DMD: variants seen among roughly 807,000 people sequenced by gnomAD.
DMD encodes mutant dystrophin.
In DMD, 63 loss-of-function variants were observed where a neutral mutation model predicts 330.1. That is an observed-to-expected ratio of 0.19 (90% CI 0.16 to 0.24). The LOEUF (loss-of-function observed/expected upper bound fraction) is 0.24, where lower values mean the gene tolerates loss of function less well. DMD is among the 10% of genes least tolerant of loss of function. The probability of loss-of-function intolerance (pLI) is 1.00; values close to 1 mark genes in which losing one functional copy is unlikely to be tolerated. For synonymous variants in DMD, 1,223 were observed against 959.8 expected, an observed-to-expected ratio of 1.27 and a Z score of -5.07; for missense variants, 3,344 against 2,684.1, an observed-to-expected ratio of 1.25 and a Z score of -5.43.
At chrX:32,725,937 C>T (rs1412897605) in intron 7 of DMD, among the ~76,000 whole-genome samples, 2 of 110,912 alleles carry the variant, frequency 1.8e-5, no homozygotes, top group Non-Finnish European at 3.8e-5. Context: ...ATCTCATGTA[C>T]TGTCTCTCTC....
intron 2 of DMD, among the ~76,000 whole-genome samples, chrX:32,893,337 T>C (rs916136886): frequency 5.3e-5 from 6 of 112,157 alleles, no homozygotes; most frequent in African/African-American, 1.9e-4. Context: ...AGCCAGATTA[T>C]ACCAGTTTCC....
intron 47 of DMD, among the ~76,000 whole-genome samples, chrX:31,890,668 T>G (rs7052181): frequency 0.29 from 31,557 of 110,565 alleles, 4,298 homozygotes; most frequent in African/African-American, 0.54. Context: ...AAATAATCAG[T>G]AGTGTTCAAA....
chrX:32,686,292 T>C (rs1192999654), intron 9 of DMD, among the ~76,000 whole-genome samples: 1 of 111,266 alleles, frequency 9.0e-6, no homozygotes, highest in Non-Finnish European at 1.9e-5. Flanking sequence ...GCACAATGGC[T>C]CACATCTGTA....
At chrX:31,634,750 C>T (rs1426717174) in intron 54 of DMD, among the ~76,000 whole-genome samples, 1 of 111,064 alleles carries the variant, frequency 9.0e-6, no homozygotes, top group Admixed American at 9.6e-5. Context: ...ACCATTAGTA[C>T]TTTCCTGAAA....
intron 44 of DMD, among the ~76,000 whole-genome samples, chrX:31,977,577 A>T (rs1235597779): frequency 9.0e-6 from 1 of 110,873 alleles, no homozygotes; most frequent in African/African-American, 3.3e-5. Flanking sequence ...ACTAAGCCTT[A>T]TATGTCCCTC....
chrX:31,360,406 A>T, intron 60 of DMD, among the ~76,000 whole-genome samples: 1 of 112,044 alleles, frequency 8.9e-6, no homozygotes, highest in Admixed American at 9.5e-5. Flanking sequence ...TTAATTTTTT[A>T]AGTAAGAAAA....
At chrX:32,869,904 C>T (rs1343168078) in intron 2 of DMD, among the ~76,000 whole-genome samples, 1 of 108,216 alleles carries the variant, frequency 9.2e-6, no homozygotes, top group African/African-American at 3.4e-5. Flanking sequence ...AAAACCAGCA[C>T]AAGACAAGGA....
At chrX:33,268,837 G>T (rs1281393422) in intron 1 of DMD, among the ~76,000 whole-genome samples, 2 of 100,461 alleles carry the variant, frequency 2.0e-5, no homozygotes, top group African/African-American at 3.7e-5. Context: ...TGCAGCATGA[G>T]AATCATTTGA....
At chrX:32,789,267 G>C (rs957247957) in intron 7 of DMD, among the ~76,000 whole-genome samples, 4 of 112,250 alleles carry the variant, frequency 3.6e-5, no homozygotes, top group Admixed American at 9.5e-5. Flanking sequence ...AGAACTGTTA[G>C]CAATAAGCAG....
At chrX:31,657,214 C>T (rs992928746) in intron 54 of DMD, among the ~76,000 whole-genome samples, 1 of 111,440 alleles carries the variant, frequency 9.0e-6, no homozygotes, top group African/African-American at 3.3e-5. Flanking sequence ...GGTAATTGTA[C>T]ATTCTGCAAA....
At chrX:33,285,414 T>C (rs2053417055) in intron 1 of DMD, among the ~76,000 whole-genome samples, 1 of 111,905 alleles carries the variant, frequency 8.9e-6, no homozygotes, top group Non-Finnish European at 1.9e-5. Flanking sequence ...AGTAACATGA[T>C]AGAAAGAAAC....
At chrX:32,579,949 A>C (rs956551312) in intron 13 of DMD, among the ~76,000 whole-genome samples, 5 of 111,925 alleles carry the variant, frequency 4.5e-5, no homozygotes, top group Non-Finnish European at 9.4e-5. Flanking sequence ...CTAATGAATA[A>C]ATCTGGAAAA....
chrX:32,989,598 T>G (rs1483968859), intron 2 of DMD, among the ~76,000 whole-genome samples: 3 of 111,938 alleles, frequency 2.7e-5, no homozygotes, highest in African/African-American at 9.7e-5. Flanking sequence ...TTATGGAATA[T>G]ATTAATTTTA....
intron 2 of DMD, among the ~76,000 whole-genome samples, chrX:32,857,111 C>T (rs1470517518): frequency 1.8e-5 from 2 of 111,146 alleles, no homozygotes; most frequent in Non-Finnish European, 3.8e-5. Context: ...ATGTTTGTGG[C>T]ACAAAGAAAG....
intron 76 of DMD, among the ~76,000 whole-genome samples, chrX:31,138,708 T>C (rs1413533491): frequency 1.0e-5 from 1 of 97,744 alleles, no homozygotes; most frequent in East Asian, 3.4e-4. Flanking sequence ...TGCCACACAC[T>C]TTAAAAACCA....
At chrX:32,639,269 TTC>T (rs1294862459) in intron 11 of DMD, among the ~76,000 whole-genome samples, 1 of 111,876 alleles carries the variant, frequency 8.9e-6, no homozygotes, top group East Asian at 2.8e-4. Flanking sequence ...GAAGAAAATC[TTC>T]TGTTTTCCCT....
At chrX:32,605,079 C>A (rs1218078454) in intron 12 of DMD, among the ~76,000 whole-genome samples, 1 of 110,294 alleles carries the variant, frequency 9.1e-6, no homozygotes, top group East Asian at 2.9e-4. Flanking sequence ...CAAAAAAGAG[C>A]CCAAATAGTC....
At chrX:31,128,600 T>G (rs765011374) in intron 77 of DMD, among the ~76,000 whole-genome samples, 2 of 112,425 alleles carry the variant, frequency 1.8e-5, no homozygotes, top group Non-Finnish European at 3.8e-5. Context: ...ATGATACATA[T>G]CTTTAGTAAT....
At chrX:32,727,507 T>C (rs1416672313) in intron 7 of DMD, among the ~76,000 whole-genome samples, 1 of 110,546 alleles carries the variant, frequency 9.0e-6, no homozygotes, top group African/African-American at 3.3e-5. Flanking sequence ...AATTTTTCTA[T>C]ATCAGGCCTC....
Sources: allele counts gnomAD v4.1 joint callset (sites outside exome capture counted in the v4.1 genomes callset), GRCh38; gene constraint gnomAD v4.1.1; transcripts MANE v1.5; gene names NCBI Gene and HGNC (gene_info 2026-07-23, HGNC 2026-07-21).